WWOX: variants seen among roughly 807,000 people sequenced by gnomAD.
The protein encoded by WWOX is WW domain-containing oxidoreductase.
A neutral mutation model predicts 46.2 loss-of-function variants in WWOX; 69 were observed. That is an observed-to-expected ratio of 1.49 (90% CI 1.23 to 1.82). WWOX has a LOEUF of 1.82. WWOX is among the 40% of genes most tolerant of loss of function. The pLI, the probability that WWOX is intolerant of heterozygous loss-of-function variation, is 0.00. For missense variants in WWOX, 919 were observed against 542.6 expected (o/e 1.69, Z -6.89); for synonymous variants, 359 against 202.6 (o/e 1.77, Z -6.56).
chr16:79,042,385 C>T (rs982240174), intron 8 of WWOX, among the ~76,000 whole-genome samples: 1 of 152,156 alleles, frequency 6.6e-6, no homozygotes, highest in Admixed American at 6.5e-5. Context: ...GGTTTCTTGC[C>T]TGATCAATGT....
At chr16:78,722,894 T>C (rs999279822) in intron 8 of WWOX, among the ~76,000 whole-genome samples, 9 of 151,728 alleles carry the variant, frequency 5.9e-5, no homozygotes, top group Admixed American at 3.3e-4. Context: ...GTATAAAAAT[T>C]AGCCAGGCGC....
intron 8 of WWOX, among the ~76,000 whole-genome samples, chr16:79,073,938 G>T (rs560009540): frequency 6.6e-6 from 1 of 151,676 alleles, no homozygotes; most frequent in Non-Finnish European, 1.5e-5. Context: ...AATTCTCAAT[G>T]TTTTTTTAAA....
intron 6 of WWOX, among the ~76,000 whole-genome samples, chr16:78,410,319 A>G (rs964183933): frequency 3.3e-5 from 5 of 152,128 alleles, no homozygotes; most frequent in African/African-American, 1.2e-4. Flanking sequence ...CTTAACACAC[A>G]AGGTCTTACC....
At chr16:78,851,834 A>G (rs1203519032) in intron 8 of WWOX, among the ~76,000 whole-genome samples, 1 of 152,252 alleles carries the variant, frequency 6.6e-6, no homozygotes. Context: ...CATTTTCACA[A>G]GTAATGTATT....
At chr16:79,163,143 T>G (rs769128125) in intron 8 of WWOX, among the ~76,000 whole-genome samples, 8 of 152,120 alleles carry the variant, frequency 5.3e-5, no homozygotes, top group Non-Finnish European at 1.2e-4. Flanking sequence ...TGTGTTTACT[T>G]GGAGCTGTTA....
intron 8 of WWOX, among the ~76,000 whole-genome samples, chr16:78,699,206 C>T (rs1052536739): frequency 1.3e-5 from 2 of 152,170 alleles, no homozygotes; most frequent in South Asian, 2.1e-4. Context: ...GTTTCCCAAC[C>T]TCTGCTTTGG....
intron 8 of WWOX, among the ~76,000 whole-genome samples, chr16:79,117,554 G>T (rs893718493): frequency 6.6e-6 from 1 of 152,150 alleles, no homozygotes; most frequent in Non-Finnish European, 1.5e-5. Flanking sequence ...CCTGTGCTTC[G>T]CAGCTTTGAA....
intron 5 of WWOX, among the ~76,000 whole-genome samples, chr16:78,323,261 C>A (rs1323543639): frequency 6.6e-6 from 1 of 152,066 alleles, no homozygotes; most frequent in Admixed American, 6.6e-5. Flanking sequence ...CCCCCGCCAC[C>A]ATGCCCGGCT....
chr16:79,179,637 C>T (rs2050870048), intron 8 of WWOX, among the ~76,000 whole-genome samples: 1 of 152,206 alleles, frequency 6.6e-6, no homozygotes. Context: ...GCAGAGCTTC[C>T]CTTCCATTGT....
chr16:78,125,910 A>G (rs1414777627), intron 4 of WWOX, among the ~76,000 whole-genome samples: 1 of 152,174 alleles, frequency 6.6e-6, no homozygotes, highest in African/African-American at 2.4e-5. Flanking sequence ...ATTAACATGT[A>G]TTCCTTATGG....
chr16:78,188,001 C>A (rs1243674243), intron 5 of WWOX, among the ~76,000 whole-genome samples: 2 of 152,164 alleles, frequency 1.3e-5, no homozygotes, highest in East Asian at 1.9e-4. Flanking sequence ...AACATCACTT[C>A]ATTCATTGTA....
chr16:78,827,676 T>A lies in WWOX; in HGVS notation c.1057-383932T>A, dbSNP rs958348445. ...GGTGAAACCCCATCTCTACTAAAAA[T>A]AAAAAAAAAAAAAAATTAGCCAGGC... On this transcript the variant is annotated intron_variant, in intron 8 of 8. Transcript: ENST00000566780. 9.4e-3 allele frequency among the ~76,000 whole-genome samples: 1,277 copies of A among 136,470 alleles called. 22 individuals are homozygous for A. Among genetic ancestry groups the A allele is most frequent in the East Asian group, 0.064 (302 of 4,748 alleles). 89.5% of individuals were successfully genotyped at this position (136,470 alleles called of 152,430 possible). A position where few individuals can be genotyped will look rare whatever the true frequency, so the allele number is the denominator to read the frequency against.
At chr16:78,924,445 C>T (rs1013296604) in intron 8 of WWOX, among the ~76,000 whole-genome samples, 2 of 152,136 alleles carry the variant, frequency 1.3e-5, no homozygotes, top group African/African-American at 4.8e-5. Context: ...AGAATCCCAG[C>T]TTTGGAGTTA....
intron 8 of WWOX, among the ~76,000 whole-genome samples, chr16:78,446,889 G>A (rs2083572962): frequency 6.6e-6 from 1 of 151,968 alleles, no homozygotes; most frequent in African/African-American, 2.4e-5. Context: ...ATGAACTTCT[G>A]ACCTCAAGGG....
chr16:78,268,953 T>G (rs1484407579), intron 5 of WWOX, among the ~76,000 whole-genome samples: 1 of 152,210 alleles, frequency 6.6e-6, no homozygotes, highest in Non-Finnish European at 1.5e-5. Flanking sequence ...TTTGTACTTC[T>G]TGTACATCCT....
intron 8 of WWOX, among the ~76,000 whole-genome samples, chr16:79,157,363 CAGTG>C (rs2083625871): frequency 1.3e-5 from 2 of 151,062 alleles, no homozygotes; most frequent in South Asian, 4.2e-4. Context: ...AGTTAGAAAA[CAGTG>C]AGCCTTGGTC....
chr16:78,942,543 A>G (rs1297099481), intron 8 of WWOX, among the ~76,000 whole-genome samples: 1 of 152,180 alleles, frequency 6.6e-6, no homozygotes, highest in East Asian at 1.9e-4. Context: ...AAAGCAAGGA[A>G]TTAATAAAAA....
chr16:78,855,198 A>G (rs1375669589), intron 8 of WWOX, among the ~76,000 whole-genome samples: 1 of 152,296 alleles, frequency 6.6e-6, no homozygotes, highest in East Asian at 1.9e-4. Context: ...TACTGTCTTC[A>G]TTAATACAGG....
chr16:79,174,668 GA>G (rs1312709191), intron 8 of WWOX, among the ~76,000 whole-genome samples: 1 of 152,138 alleles, frequency 6.6e-6, no homozygotes, highest in African/African-American at 2.4e-5. Context: ...AATTAAGAGG[GA>G]CTGATGTCCA....
Sources: gnomAD v4.1 joint callset for allele counts (sites outside exome capture counted in the v4.1 genomes callset) on GRCh38, gnomAD v4.1.1 for gene constraint, MANE v1.5 for transcripts, NCBI Gene and HGNC (gene_info 2026-07-23, HGNC 2026-07-21) for gene names.